TP53BP1: variants seen among roughly 807,000 people sequenced by gnomAD.
TP53BP1 encodes TP53-binding protein 1.
Under a neutral mutation model 200.8 loss-of-function variants are expected in TP53BP1, and 61 were observed. The observed-to-expected ratio is 0.30, with a 90% CI of 0.25 to 0.38. The LOEUF (loss-of-function observed/expected upper bound fraction) is 0.38, where lower values mean the gene tolerates loss of function less well. TP53BP1 is among the 10% of genes least tolerant of loss of function. The probability of loss-of-function intolerance (pLI) is 1.00; values close to 1 mark genes in which losing one functional copy is unlikely to be tolerated. For synonymous variants in TP53BP1, 822 were observed against 844.3 expected (o/e 0.97, Z 0.46); for missense variants, 2,144 against 2,371.9 (o/e 0.90, Z 2.00).
At chr15:43,420,907 CCCA>C in intron 20 of TP53BP1, 115 bp downstream of exon 20, 1 of 1,380,512 alleles carries the variant, frequency 7.2e-7, no homozygotes, top group Non-Finnish European at 9.9e-7. Flanking sequence ...CTGCCCACTC[CCCA>C]GTCAGTATGG....
At chr15:43,408,295 T>C in intron 26 of TP53BP1, 1 of 519,222 alleles carries the variant, frequency 1.9e-6, no homozygotes, top group Non-Finnish European at 3.4e-6. Flanking sequence ...CTGGGCAATG[T>C]GGTGAGACCC....
Position 43,408,007 on chromosome 15 carries a change from A to G in TP53BP1, c.5682T>C (p.Ser1894=), listed in dbSNP as rs201339494. Residue 1894 remains serine, a synonymous_variant, in exon 27 of 28, where the codon TCT becomes TCC. Transcript: ENST00000382044. ...DQQQNFLELW[S]EILMTGGAAS... ...CTGCACCACCAGTCATGAGGATCTC[A>G]GACCAGAGCTCCAGGAAGTTCTGCT... 3.1e-6 allele frequency: 5 copies of G among 1,612,650 alleles called. No individual in the cohort carries two copies. The African/African-American group carries it at 5.3e-5, about 17-fold the overall frequency.
At chr15:43,412,742 T>G (rs1192977423) in intron 24 of TP53BP1, 1 of 472,486 alleles carries the variant, frequency 2.1e-6, no homozygotes, top group Non-Finnish European at 4.4e-6. Context: ...CATTCAGACC[T>G]GATTGACTTG....
chr15:43,484,979 G>T (rs187637963), intron 4 of TP53BP1, among the ~76,000 whole-genome samples: 27 of 151,802 alleles, frequency 1.8e-4, no homozygotes, highest in African/African-American at 6.5e-4. Flanking sequence ...CAAACTCCTG[G>T]GCTCAAGAGA....
At chr15:43,438,092 C>T (rs1162769449) in intron 16 of TP53BP1, among the ~76,000 whole-genome samples, 2 of 152,228 alleles carry the variant, frequency 1.3e-5, no homozygotes, top group African/African-American at 4.8e-5. Context: ...AGCCTTAATG[C>T]ATACATATGG....
intron 17 of TP53BP1, among the ~76,000 whole-genome samples, chr15:43,430,626 T>A (rs962693073): frequency 2.0e-5 from 3 of 152,128 alleles, no homozygotes; most frequent in East Asian, 3.8e-4. Context: ...AAAAAGCAAT[T>A]TGACCACTAC....
At chr15:43,415,940 T>A in intron 22 of TP53BP1, 131 bp from the exon 23 acceptor site, 1 of 795,130 alleles carries the variant, frequency 1.3e-6, no homozygotes, top group South Asian at 1.8e-5. Context: ...CCAAGAAGCT[T>A]CTTTTTAAGG....
intron 11 of TP53BP1, among the ~76,000 whole-genome samples, chr15:43,460,264 G>A (rs995217580): frequency 8.6e-5 from 13 of 151,918 alleles, no homozygotes; most frequent in African/African-American, 3.1e-4. Context: ...GTTTTGTTTT[G>A]TTTTGTTTTG....
At chr15:43,444,241 C>A (rs1427916576) in intron 14 of TP53BP1, among the ~76,000 whole-genome samples, 1 of 152,116 alleles carries the variant, frequency 6.6e-6, no homozygotes, top group East Asian at 1.9e-4. Context: ...AGATTTAAGG[C>A]TATCACATAC....
intron 7 of TP53BP1, among the ~76,000 whole-genome samples, chr15:43,477,976 T>C (rs1015699719): frequency 6.6e-6 from 1 of 152,206 alleles, no homozygotes; most frequent in African/African-American, 2.4e-5. Context: ...TCACAGCCAA[T>C]ACCTGTCTTC....
intron 6 of TP53BP1, 94 bp from the exon 7 acceptor site, chr15:43,479,620 C>A: frequency 1.4e-6 from 2 of 1,386,298 alleles, no homozygotes; most frequent in Non-Finnish European, 9.8e-7. Flanking sequence ...AAGATTTTAA[C>A]AGAAGTCCAA....
chr15:43,486,133 T>C (rs1395848476), intron 4 of TP53BP1, among the ~76,000 whole-genome samples: 2 of 151,806 alleles, frequency 1.3e-5, no homozygotes, highest in Admixed American at 6.6e-5. Flanking sequence ...TCCCAGCAGT[T>C]TGGGAGGCTG....
Position 43,463,856 on chromosome 15 carries a change from C to T in TP53BP1, c.1389+6002G>A, listed in dbSNP as rs45486503. On this transcript the variant is annotated intron_variant, in intron 11 of 27. Transcript: ENST00000382044. ...ATCAGGAAGTACAATACTGAAAATA[C>T]GGAGATTAAATGAAAATCTACATAT... Among the ~76,000 whole-genome samples, 3 of 152,250 alleles carry T rather than the reference C, an allele frequency of 2.0e-5. No homozygotes were observed. In the East Asian group the frequency reaches 5.8e-4, roughly 29 times the overall value.
chr15:43,471,228 T>TAA (rs879282831), intron 10 of TP53BP1, among the ~76,000 whole-genome samples: 2 of 143,076 alleles, frequency 1.4e-5, no homozygotes. Flanking sequence ...CACTGTTACA[T>TAA]AAAAAAAAAA....
chr15:43,441,378 A>G (rs1219009566), intron 15 of TP53BP1, 148 bp downstream of exon 15: 3 of 641,066 alleles, frequency 4.7e-6, no homozygotes, highest in East Asian at 5.1e-5. Flanking sequence ...TAAAAAGTCT[A>G]TGATCCATTC....
intron 11 of TP53BP1, among the ~76,000 whole-genome samples, chr15:43,465,204 G>T (rs933815950): frequency 1.3e-5 from 2 of 152,036 alleles, no homozygotes; most frequent in African/African-American, 4.8e-5. Flanking sequence ...TATAGAGACA[G>T]AAAGTAGACT....
chr15:43,415,314 T>G (rs2045237825), intron 23 of TP53BP1: 1 of 467,086 alleles, frequency 2.1e-6, no homozygotes, highest in African/African-American at 2.0e-5. Context: ...GTTCAAGCGA[T>G]TCTCCCACCT....
At chr15:43,467,260 C>T (rs919718209) in intron 11 of TP53BP1, among the ~76,000 whole-genome samples, 6 of 151,944 alleles carry the variant, frequency 3.9e-5, no homozygotes, top group East Asian at 1.9e-4. Flanking sequence ...AATGGGGTCT[C>T]GCTATGTTGC....
chr15:43,432,674 C>T lies in TP53BP1; in HGVS notation c.3195G>A (p.Gly1065=). The part of the protein sequence containing the change: ...SEDPPTTPIR[G]NLLHFPSSQG... ...GAGAACTTGGAAAGTGGAGCAAGTT[C>T]CCCCTGAAAATGCAACATATAAAGA... The change falls in exon 17 of 28, where the codon GGG becomes GGA. Residue 1065 remains glycine (G), a synonymous_variant. Coordinates refer to ENST00000382044, the MANE Select transcript of TP53BP1 (RefSeq NM_001141980.3). 1 of 1,599,180 alleles carries T rather than the reference C, an allele frequency of 6.3e-7. No individual in the cohort carries two copies. The highest frequency in any genetic ancestry group is 8.5e-7 in the Non-Finnish European group (1 of 1,171,690).
Sources: allele counts gnomAD v4.1 joint callset (sites outside exome capture counted in the v4.1 genomes callset), GRCh38; gene constraint gnomAD v4.1.1; transcripts MANE v1.5; gene names NCBI Gene and HGNC (gene_info 2026-07-23, HGNC 2026-07-21).